SRP68: variants seen among roughly 807,000 people sequenced by gnomAD.
The protein encoded by SRP68 is signal recognition particle 68, also known as signal recognition particle subunit SRP68.
In SRP68, 15 loss-of-function variants were observed where a neutral mutation model predicts 82.2. The ratio of observed to expected loss-of-function variants is 0.18; its 90% confidence interval spans 0.12 to 0.28. The LOEUF is 0.28. Ranked by LOEUF, SRP68 falls within the 10% of genes least tolerant of loss-of-function variation. The pLI is 1.00. For missense variants in SRP68, 595 were observed against 780.5 expected (o/e 0.76, Z 2.83); for synonymous variants, 261 against 292.6 (o/e 0.89, Z 1.10).
intron 6 of SRP68, 153 bp from the exon 7 acceptor site, chr17:76,060,543 A>C (rs984381349): frequency 1.2e-5 from 7 of 588,762 alleles, no homozygotes; most frequent in African/African-American, 1.9e-5. Context: ...GTCTTTTATA[A>C]AGAATGAAAT....
chr17:76,043,538 C>G (rs577337683), intron 13 of SRP68: 1 of 192,170 alleles, frequency 5.2e-6, no homozygotes, highest in Non-Finnish European at 1.1e-5. Context: ...GAGATTTCAA[C>G]GTGCAGTCAA....
intron 15 of SRP68, 103 bp from the exon 16 acceptor site, chr17:76,040,036 T>C: frequency 1.8e-6 from 2 of 1,108,588 alleles, no homozygotes; most frequent in Non-Finnish European, 2.6e-6. Context: ...ACAGGGGCCA[T>C]CTCACTCAAT....
chr17:76,068,140 A>C (rs959874999), intron 2 of SRP68, among the ~76,000 whole-genome samples: 11 of 152,076 alleles, frequency 7.2e-5, no homozygotes, highest in Non-Finnish European at 2.9e-5. Flanking sequence ...AAAAATACAA[A>C]ATTAGCCAGT....
At chr17:76,064,636 T>C (rs1430327008) in intron 3 of SRP68, among the ~76,000 whole-genome samples, 1 of 151,462 alleles carries the variant, frequency 6.6e-6, no homozygotes, top group Non-Finnish European at 1.5e-5. Flanking sequence ...AGGTCAGGAG[T>C]TCGAGATCAG....
rs939759974 is a variant in SRP68, at chr17:76,066,956, G to A, written c.365+261C>T. Among the ~76,000 whole-genome samples the A allele has an allele frequency of 5.3e-5, 8 of 152,082 alleles. No homozygotes were observed. The South Asian group carries it at 1.7e-3, about 32-fold the overall frequency. ...TTGGCCAGGCTGGTCTTGAACTCCT[G>A]ACCTCAGGTGATCCACCCACCTTGG... On this transcript the variant is annotated intron_variant, in intron 3 of 15. Transcript: ENST00000307877.
chr17:76,054,510 C>T (rs2066698692), intron 8 of SRP68, among the ~76,000 whole-genome samples: 1 of 152,138 alleles, frequency 6.6e-6, no homozygotes, highest in African/African-American at 2.4e-5. Context: ...TAAATGGTCC[C>T]TCTTCCACTC....
chr17:76,055,696 G>A (rs2066708318), intron 8 of SRP68, among the ~76,000 whole-genome samples: 1 of 151,140 alleles, frequency 6.6e-6, no homozygotes, highest in Non-Finnish European at 1.5e-5. Context: ...GGAGCTTGCA[G>A]TGAGCAGAGA....
chr17:76,057,603 A>C (rs2066721775), intron 7 of SRP68, 60 bp from the exon 8 acceptor site: 1 of 1,563,230 alleles, frequency 6.4e-7, no homozygotes, highest in African/African-American at 1.4e-5. Context: ...TGGAGGTGAA[A>C]ATAAGTGGAA....
At chr17:76,062,684 A>AAT (rs796868969) in intron 4 of SRP68, among the ~76,000 whole-genome samples, 341 of 26,078 alleles carry the variant, frequency 0.013, 123 homozygotes, top group African/African-American at 0.13. Flanking sequence ...TATAATATAT[A>AAT]ATATACATTA....
chr17:76,049,804 T>C lies in SRP68; in HGVS notation c.1077+624A>G, dbSNP rs181488032. Reference sequence around the variant, plus strand: ...ATGCTGCCTATGGGGTTTATCAGCATAAAAGTTTGGAGGCCATTGCTCAAT... The same window carrying C: ...ATGCTGCCTATGGGGTTTATCAGCACAAAAGTTTGGAGGCCATTGCTCAAT... On this transcript the variant is annotated intron_variant, in intron 9 of 15. Coordinates refer to ENST00000307877, the MANE Select transcript of SRP68 (RefSeq NM_014230.4). Among the ~76,000 whole-genome samples, 1,153 of 152,278 alleles carry C rather than the reference T, an allele frequency of 7.6e-3. 47 individuals are homozygous for C. The highest frequency in any genetic ancestry group is 0.071 in the Admixed American group (1,082 of 15,296).
chr17:76,045,230 T>C lies in SRP68; in HGVS notation c.1394+62A>G, dbSNP rs868187143. ...GTCCCATCTGCTGTGGGCTGGGTCA[T>C]GCTCCCAATGCTTATAGAACCTGGG... On this transcript the variant is annotated intron_variant, in intron 12 of 15. Transcript: ENST00000307877. 3.1e-5 allele frequency: 41 copies of C among 1,317,020 alleles called. No individual in the cohort carries two copies. The Admixed American group carries it at 3.7e-4, about 12-fold the overall frequency. 81.6% of individuals were successfully genotyped at this position (1,317,020 alleles called of 1,614,324 possible).
intron 2 of SRP68, among the ~76,000 whole-genome samples, chr17:76,069,114 G>A (rs767750387): frequency 7.9e-5 from 12 of 151,932 alleles, no homozygotes; most frequent in African/African-American, 2.4e-4. Context: ...GGGGCCGGGC[G>A]TGGTGGTTCA....
In SRP68 at chr17:76,072,488, C is replaced by A; in HGVS notation, c.4G>T (p.Ala2Ser). Residue 2 changes from alanine to serine, a missense_variant, in exon 1 of 16, where the codon GCT (alanine) becomes TCT (serine). Physicochemically the swap from Ala to Ser is moderately conservative, Grantham distance 99. Transcript: ENST00000307877. This position sits in a 1 kb window ranked among gnomAD's most constrained non-coding sequence, Gnocchi z 4.5. ...CCGCCTGGGACCTGCTTCTCAGCAG[C>A]CATCTTGCCCCTGCGCCGCAGAGCA... is the stretch of plus-strand genomic sequence containing the variant. M[A>S]AEKQVPGGGG... 1 of 1,582,912 alleles carries A rather than the reference C, an allele frequency of 6.3e-7. No individual in the cohort carries two copies. Among genetic ancestry groups the A allele is most frequent in the Non-Finnish European group, 8.5e-7 (1 of 1,172,652 alleles).
chr17:76,052,578 G>T (rs1200489637), intron 8 of SRP68, among the ~76,000 whole-genome samples: 2 of 152,024 alleles, frequency 1.3e-5, no homozygotes, highest in African/African-American at 4.8e-5. Flanking sequence ...GCTGAGGCGG[G>T]CGGATCACGA....
chr17:76,048,802 T>A (rs984782363), intron 9 of SRP68: 1 of 152,276 alleles, frequency 6.6e-6, no homozygotes, highest in Non-Finnish European at 1.5e-5. Context: ...AGGAAATGAA[T>A]GCGCCTTTGC....
In SRP68 at chr17:76,072,414, A is replaced by T. The variant is rs1555630547; in HGVS notation, c.78T>A (p.Gly26=). ...CTCCGGCACCACGTCCACCGCCGCTACCGCCGCCGCCACTGCCACCGCCGC... is the reference window on the plus strand; with the variant it reads ...CTCCGGCACCACGTCCACCGCCGCTTCCGCCGCCGCCACTGCCACCGCCGC... ...SGGGGGSGGG[G]SGGGRGAGGE... Residue 26 remains glycine, a synonymous_variant, in exon 1 of 16, where the codon GGT becomes GGA. Coordinates refer to ENST00000307877, the MANE Select transcript of SRP68 (RefSeq NM_014230.4). The surrounding 1 kb of genome is among the most constrained non-coding windows in gnomAD (Gnocchi z 4.5). 1.3e-6 allele frequency: 2 copies of T among 1,580,616 alleles called. No homozygotes were observed. The highest frequency in any genetic ancestry group is 2.2e-5 in the South Asian group (2 of 90,416).
intron 2 of SRP68, among the ~76,000 whole-genome samples, chr17:76,069,797 C>G (rs756178226): frequency 2.6e-5 from 4 of 151,426 alleles, no homozygotes; most frequent in Non-Finnish European, 5.9e-5. Context: ...AAGAAATAGG[C>G]CAGACACGGT....
rs536477130 is a variant in SRP68, at chr17:76,072,446, T to TGCCGCCGCC, written c.37_45dup (p.Gly13_Gly15dup). ...CCGCCACTGCCACCGCCGCCGCCAC[T>TGCCGCCGCC]GCCGCCGCCGCCGCCGCCGCCTGGG... is the stretch of plus-strand genomic sequence containing the variant. On this transcript the variant is annotated inframe_insertion, in exon 1 of 16. Transcript: ENST00000307877. This position sits in a 1 kb window ranked among gnomAD's most constrained non-coding sequence, Gnocchi z 4.5. The TGCCGCCGCC allele has an allele frequency of 9.7e-5, 153 of 1,579,306 alleles. 1 individual carries two copies. The highest frequency in any genetic ancestry group is 8.7e-4 in the South Asian group (78 of 89,864).
chr17:76,049,115 T>C (rs2066653184), intron 9 of SRP68: 1 of 152,258 alleles, frequency 6.6e-6, no homozygotes, highest in Admixed American at 6.5e-5. Context: ...CAGAGAGTTC[T>C]GGAGATGGAC....
Sources: allele counts gnomAD v4.1 joint callset (sites outside exome capture counted in the v4.1 genomes callset), GRCh38; gene constraint gnomAD v4.1.1; non-coding constraint Gnocchi (gnomAD v3.1); transcripts MANE v1.5; gene names NCBI Gene and HGNC (gene_info 2026-07-23, HGNC 2026-07-21).